ZNF347: variants seen among roughly 807,000 people sequenced by gnomAD.
ZNF347 encodes the protein CTD-2620I22.7.
A neutral mutation model predicts 12.9 loss-of-function variants in ZNF347; 19 were observed. That is an observed-to-expected ratio of 1.47 (90% CI 1.03 to 2.16). The LOEUF (loss-of-function observed/expected upper bound fraction) is 2.16, where lower values mean the gene tolerates loss of function less well. Among genes scored for constraint, ZNF347 ranks in the 30% most tolerant of loss-of-function variants. The pLI is 0.00. For missense variants in ZNF347, 1,005 were observed against 990.6 expected, an observed-to-expected ratio of 1.01 and a Z score of -0.19; for synonymous variants, 328 against 340.6, an observed-to-expected ratio of 0.96 and a Z score of 0.41.
chr19:53,143,391 C>A (rs1162976102), intron 4 of ZNF347, among the ~76,000 whole-genome samples: 2 of 117,448 alleles, frequency 1.7e-5, no homozygotes, highest in Admixed American at 2.2e-4. Context: ...CCCCACCCCA[C>A]AACAGTCCCC....
intron 1 of ZNF347, among the ~76,000 whole-genome samples, chr19:53,157,498 T>C (rs533608368): frequency 5.3e-5 from 8 of 152,228 alleles, no homozygotes; most frequent in African/African-American, 1.9e-4. Context: ...TCTCCCCTTC[T>C]TCCTCCGCTT....
intron 3 of ZNF347, 21 bp downstream of exon 3, chr19:53,149,220 C>T: frequency 6.2e-7 from 1 of 1,610,474 alleles, no homozygotes; most frequent in Non-Finnish European, 8.5e-7. Context: ...ATCCTGACTT[C>T]TGGAAGAAAG....
At chr19:53,155,303 T>C (rs1013951658) in intron 1 of ZNF347, among the ~76,000 whole-genome samples, 3 of 104,964 alleles carry the variant, frequency 2.9e-5, no homozygotes, top group African/African-American at 6.0e-5. Flanking sequence ...TCTGTGTGTG[T>C]GTGTGTGTGT....
chr19:53,148,512 A>C (rs138514027), intron 4 of ZNF347, among the ~76,000 whole-genome samples, 169 bp downstream of exon 4: 14 of 152,350 alleles, frequency 9.2e-5, no homozygotes, highest in African/African-American at 3.4e-4. Context: ...GGAAGGTGAA[A>C]GGATAAACTA....
chr19:53,149,550 G>A (rs887279696), intron 2 of ZNF347, 183 bp from the exon 3 acceptor site: 8 of 1,227,206 alleles, frequency 6.5e-6, no homozygotes, highest in Non-Finnish European at 7.6e-6. Flanking sequence ...AATCTCTGGA[G>A]TGATAAGTGC....
chr19:53,149,460 G>A, intron 2 of ZNF347, 93 bp from the exon 3 acceptor site: 1 of 1,591,150 alleles, frequency 6.3e-7, no homozygotes. Flanking sequence ...ACTGGAGTAA[G>A]TGGGCCGATA....
intron 1 of ZNF347, among the ~76,000 whole-genome samples, chr19:53,155,642 C>T (rs374956431): frequency 3.8e-4 from 58 of 152,014 alleles, no homozygotes; most frequent in African/African-American, 1.3e-3. Flanking sequence ...GCCCTGTGTA[C>T]GTGTCTTAAT....
At position 53,153,730 on chromosome 19, in the gene ZNF347, T is replaced by C. The variant is rs1307150644; in HGVS notation, c.15+3A>G. ...GAACAATCCACTGATAATATTACCT[T>C]ACCTGGGTGAGAGCCATGCCTGACT... is the stretch of plus-strand genomic sequence containing the variant. On this transcript the variant is annotated splice_donor_region_variant and intron_variant, in intron 2 of 4. Coordinates refer to ENST00000334197, the MANE Select transcript of ZNF347 (RefSeq NM_032584.3). 1.9e-6 allele frequency: 3 copies of C among 1,613,692 alleles called. No homozygotes were observed. Among genetic ancestry groups the C allele is most frequent in the Non-Finnish European group, 2.5e-6 (3 of 1,179,666 alleles).
intron 1 of ZNF347, among the ~76,000 whole-genome samples, chr19:53,155,880 T>C (rs1426626020): frequency 6.6e-6 from 1 of 151,976 alleles, no homozygotes; most frequent in South Asian, 2.1e-4. Context: ...TCCTGACAGG[T>C]GGGTGGGCCA....
chr19:53,138,782 C>G lies in ZNF347; in HGVS notation c.*1526G>C, dbSNP rs1305675855. The G allele has an allele frequency of 6.6e-6, 1 of 152,032 alleles. No individual in the cohort carries two copies. The highest frequency in any genetic ancestry group is 1.5e-5 in the Non-Finnish European group (1 of 68,010). The allele number at this position is 152,032 out of a possible 1,614,324, so 9.4% of individuals were successfully genotyped here. A position where few individuals can be genotyped will look rare whatever the true frequency, so the allele number is the denominator to read the frequency against. ...GAGGTAGGATAAAATGATGTTGGTA[C>G]AAAGAATGTGATTTGTTTATAGTTA... On this transcript the variant is annotated 3_prime_UTR_variant, in exon 5 of 5. Coordinates refer to ENST00000334197, the MANE Select transcript of ZNF347 (RefSeq NM_032584.3).
At chr19:53,156,048 G>C (rs865966164) in intron 1 of ZNF347, among the ~76,000 whole-genome samples, 26 of 112,030 alleles carry the variant, frequency 2.3e-4, no homozygotes, top group African/African-American at 8.3e-4. Flanking sequence ...CCCAGCTCGG[G>C]GGGGGGGGGG....
intron 4 of ZNF347, among the ~76,000 whole-genome samples, chr19:53,146,983 C>T (rs1379632740): frequency 6.6e-6 from 1 of 152,156 alleles, no homozygotes; most frequent in Non-Finnish European, 1.5e-5. Context: ...CGCCTGTAAT[C>T]CCAACAGTTT....
chr19:53,156,290 T>C (rs976675612), intron 1 of ZNF347, among the ~76,000 whole-genome samples: 6 of 101,340 alleles, frequency 5.9e-5, no homozygotes, highest in Non-Finnish European at 1.6e-4. Flanking sequence ...TCCCAGCTAC[T>C]TGGGAGGCTG....
chr19:53,146,221 C>T (rs1305496249), intron 4 of ZNF347, among the ~76,000 whole-genome samples: 7 of 152,054 alleles, frequency 4.6e-5, no homozygotes, highest in African/African-American at 9.7e-5. Context: ...GTGGTCCACC[C>T]ACCTTAGTCT....
intron 2 of ZNF347, among the ~76,000 whole-genome samples, chr19:53,151,105 G>C (rs532064325): frequency 6.6e-6 from 1 of 152,300 alleles, no homozygotes; most frequent in East Asian, 1.9e-4. Flanking sequence ...GCCCATGAGA[G>C]AAAGATCTGT....
At position 53,141,966 on chromosome 19, in the gene ZNF347, G is replaced by A. The variant is rs150545433; in HGVS notation, c.862C>T (p.Pro288Ser). 2 of 1,614,054 alleles carry A rather than the reference G, an allele frequency of 1.2e-6. No homozygotes were observed. Among genetic ancestry groups the A allele is most frequent in the South Asian group, 1.1e-5 (1 of 91,034 alleles). Residue 288 changes from proline (P) to serine (S), a missense_variant, in exon 5 of 5, where the codon CCT becomes TCT. Coordinates refer to ENST00000334197, the MANE Select transcript of ZNF347 (RefSeq NM_032584.3). Reference protein sequence around the residue: ...SHQRSHTKEKPYKCYECGKAF... With the variant: ...SHQRSHTKEKSYKCYECGKAF... ...TTGCCACACTCATAACATTTGTAAGGTTTCTCTTTAGTATGACTTCTCTGA... is the reference window on the plus strand; with the variant it reads ...TTGCCACACTCATAACATTTGTAAGATTTCTCTTTAGTATGACTTCTCTGA...
chr19:53,155,294 CTGTG>C (rs61275588), intron 1 of ZNF347, among the ~76,000 whole-genome samples: 4,955 of 141,820 alleles, frequency 0.035, 124 homozygotes, highest in African/African-American at 0.059. Flanking sequence ...AGACTTTATT[CTGTG>C]TGTGTGTGTG....
intron 1 of ZNF347, 39 bp from the exon 2 acceptor site, chr19:53,153,832 A>C (rs2090514486): frequency 6.7e-7 from 1 of 1,496,008 alleles, no homozygotes; most frequent in South Asian, 1.1e-5. Flanking sequence ...GTCAATATTG[A>C]ATATCCAAAA....
chr19:53,150,139 T>C (rs1011360604), intron 2 of ZNF347, among the ~76,000 whole-genome samples: 1 of 152,128 alleles, frequency 6.6e-6, no homozygotes, highest in Non-Finnish European at 1.5e-5. Flanking sequence ...GCAACTGGCA[T>C]TGAAGTGGGC....
Sources: allele counts gnomAD v4.1 joint callset (sites outside exome capture counted in the v4.1 genomes callset), GRCh38; gene constraint gnomAD v4.1.1; transcripts MANE v1.5; gene names NCBI Gene and HGNC (gene_info 2026-07-23, HGNC 2026-07-21).